ZNF429: variants seen among roughly 807,000 people sequenced by gnomAD.
The protein encoded by ZNF429 is zinc finger protein 429.
In ZNF429, 53 loss-of-function variants were observed where a neutral mutation model predicts 56.8. The observed-to-expected ratio is 0.93, with a 90% CI of 0.75 to 1.17. The LOEUF (loss-of-function observed/expected upper bound fraction) is 1.17. Among genes scored for constraint, ZNF429 ranks in the 50% most tolerant of loss-of-function variants. The pLI, the probability that ZNF429 is intolerant of heterozygous loss-of-function variation, is 0.00. For synonymous variants in ZNF429, 278 were observed against 264.7 expected, an observed-to-expected ratio of 1.05 and a Z score of -0.49; for missense variants, 849 against 788.4, an observed-to-expected ratio of 1.08 and a Z score of -0.92.
At chr19:21,531,139 A>C in intron 3 of ZNF429, among the ~76,000 whole-genome samples, 77 of 138,774 alleles carry the variant, frequency 5.5e-4, no homozygotes, top group African/African-American at 2.0e-3. Flanking sequence ...ACCAAAAAAA[A>C]AAAAACACCC....
At chr19:21,528,208 G>A (rs1205018015) in intron 1 of ZNF429, among the ~76,000 whole-genome samples, 1 of 152,024 alleles carries the variant, frequency 6.6e-6, no homozygotes, top group African/African-American at 2.4e-5. Flanking sequence ...GAAAGGTGGG[G>A]GTCCTCAGTA....
intron 1 of ZNF429, among the ~76,000 whole-genome samples, chr19:21,525,683 G>A (rs1344529352): frequency 6.6e-6 from 1 of 152,102 alleles, no homozygotes; most frequent in Non-Finnish European, 1.5e-5. Flanking sequence ...ATTCCATTTA[G>A]CAACTTGTTT....
rs997458672 is a variant in ZNF429, at chr19:21,538,942, T to A, written c.*864T>A. The stretch of plus-strand genomic sequence containing the variant: ...ATAGTGCATTTACTTGTATCACAGA[T>A]CTTGTTGTACACATTTTATACTAGA... On this transcript the variant is annotated 3_prime_UTR_variant, in exon 4 of 4. Coordinates refer to ENST00000358491, the MANE Select transcript of ZNF429 (RefSeq NM_001001415.4). 6.6e-6 allele frequency among the ~76,000 whole-genome samples: 1 copy of A among 152,164 alleles called. No individual in the cohort carries two copies. The highest frequency in any genetic ancestry group is 1.5e-5 in the Non-Finnish European group (1 of 68,030).
chr19:21,533,313 G>GTTTA, intron 3 of ZNF429, among the ~76,000 whole-genome samples: 1 of 151,898 alleles, frequency 6.6e-6, no homozygotes, highest in Non-Finnish European at 1.5e-5. Flanking sequence ...CAACTTTATT[G>GTTTA]TTTAGTTTCA....
Position 21,536,877 on chromosome 19 carries a change from A to G in ZNF429, c.824A>G (p.His275Arg), listed in dbSNP as rs2033704512. 1.9e-6 allele frequency: 3 copies of G among 1,613,916 alleles called. No individual in the cohort carries two copies. Among genetic ancestry groups the G allele is most frequent in the African/African-American group, 1.3e-5 (1 of 75,058 alleles). Residue 275 changes from histidine to arginine, a missense_variant, in exon 4 of 4, where the codon CAT becomes CGT. Physicochemically the swap from His to Arg is conservative, Grantham distance 29. Coordinates refer to ENST00000358491, the MANE Select transcript of ZNF429 (RefSeq NM_001001415.4). ...AGCAGGTACTCAACCCTTACTACCC[A>G]TAAGAGAATTCATTCTGGAGAGAAG... ...AFSRYSTLTT[H>R]KRIHSGEKPY...
chr19:21,535,735 C>T, intron 3 of ZNF429, among the ~76,000 whole-genome samples: 1 of 151,468 alleles, frequency 6.6e-6, no homozygotes. Context: ...AGGCTGGTTT[C>T]GAACTCCTGA....
rs1442120858 is a variant in ZNF429 at position 21,538,292 on chromosome 19, A to G, written c.*214A>G. On this transcript the variant is annotated 3_prime_UTR_variant, in exon 4 of 4. Coordinates refer to ENST00000358491, the MANE Select transcript of ZNF429 (RefSeq NM_001001415.4). ...GACTCCATCTCAAAAAAAAAAAAAA[A>G]AAAAAAAGAAAAGAAAATTCATAGG... Among the ~76,000 whole-genome samples the G allele has an allele frequency of 2.1e-5, 3 of 146,026 alleles. No individual in the cohort carries two copies. Among genetic ancestry groups the G allele is most frequent in the Non-Finnish European group, 4.5e-5 (3 of 66,588 alleles).
intron 1 of ZNF429, among the ~76,000 whole-genome samples, chr19:21,517,340 C>T (rs540855428): frequency 7.5e-6 from 1 of 134,170 alleles, no homozygotes; most frequent in Non-Finnish European, 1.6e-5. Flanking sequence ...TTCAATTTTA[C>T]AGTATTTCAT....
Position 21,537,777 on chromosome 19 carries a change from C to G in ZNF429, c.1724C>G (p.Thr575Ser). 6.2e-7 allele frequency: 1 copy of G among 1,602,718 alleles called. No individual in the cohort carries two copies. Among genetic ancestry groups the G allele is most frequent in the Non-Finnish European group, 8.5e-7 (1 of 1,176,652 alleles). Residue 575 changes from threonine to serine, a missense_variant, in exon 4 of 4, where the codon ACC becomes AGC. Coordinates refer to ENST00000358491, the MANE Select transcript of ZNF429 (RefSeq NM_001001415.4). ...TGTAAACAATGTGACAAAGCTTTTA[C>G]CCACTCCTCAAACCTTAGTAGTCAT... ...YKCKQCDKAF[T>S]HSSNLSSHKK...
chr19:21,535,718 G>T, intron 3 of ZNF429, among the ~76,000 whole-genome samples: 7 of 151,622 alleles, frequency 4.6e-5, no homozygotes, highest in Non-Finnish European at 1.0e-4. Context: ...GTTTCACCAT[G>T]TTGGCCAGGC....
rs531427318 is a variant in ZNF429 at position 21,538,277 on chromosome 19, C to CAAAAAAAAAA, written c.*212_*221dup. Among the ~76,000 whole-genome samples the CAAAAAAAAAA allele has an allele frequency of 2.9e-5, 1 of 34,380 alleles. No homozygotes were observed. Among genetic ancestry groups the CAAAAAAAAAA allele is most frequent in the Admixed American group, 5.5e-4 (1 of 1,832 alleles). 22.6% of individuals were successfully genotyped at this position (34,380 alleles called of 152,430 possible). The stretch of plus-strand genomic sequence containing the variant: ...TGGGTGACAGAGCCAGACTCCATCT[C>CAAAAAAAAAA]AAAAAAAAAAAAAAAAAAAAAAGAA... On this transcript the variant is annotated 3_prime_UTR_variant, in exon 4 of 4. Transcript: ENST00000358491.
chr19:21,512,662 CAAAAAAAAA>C (rs35584125), intron 1 of ZNF429, among the ~76,000 whole-genome samples: 3 of 81,376 alleles, frequency 3.7e-5, no homozygotes, highest in Non-Finnish European at 6.8e-5. Context: ...GACTCCATCT[CAAAAAAAAA>C]AAAAAAAAAA....
Position 21,537,064 on chromosome 19 carries a change from T to C in ZNF429, c.1011T>C (p.Gly337=), listed in dbSNP as rs1208354755. ...TLTSHKRIHT[G]EKPYKCEECG... Reference sequence around the variant, plus strand: ...CTAGCCATAAGAGAATACATACTGGTGAGAAACCCTACAAATGTGAAGAAT... The same window carrying C: ...CTAGCCATAAGAGAATACATACTGGCGAGAAACCCTACAAATGTGAAGAAT... Residue 337 remains glycine, a synonymous_variant, in exon 4 of 4, where the codon GGT becomes GGC. Coordinates refer to ENST00000358491, the MANE Select transcript of ZNF429 (RefSeq NM_001001415.4). 4 of 1,604,850 alleles carry C rather than the reference T, an allele frequency of 2.5e-6. No individual in the cohort carries two copies. The African/African-American group carries it at 4.2e-5, about 17-fold the overall frequency.
chr19:21,518,399 TGGTGGTGTG>T (rs371262003), intron 1 of ZNF429, among the ~76,000 whole-genome samples: 740 of 16,174 alleles, frequency 0.046, no homozygotes, highest in Middle Eastern at 0.091. Context: ...GGAGAGATTC[TGGTGGTGTG>T]TTGTATCACT....
chr19:21,526,172 C>T (rs1293196430), intron 1 of ZNF429, among the ~76,000 whole-genome samples: 1 of 151,792 alleles, frequency 6.6e-6, no homozygotes, highest in Non-Finnish European at 1.5e-5. Flanking sequence ...AGAGAGGTTT[C>T]TTCACTTTGA....
At chr19:21,535,412 T>TTTCTTTCTTTCTTTCTTTCTTTC in intron 3 of ZNF429, among the ~76,000 whole-genome samples, 1 of 55,386 alleles carries the variant, frequency 1.8e-5, no homozygotes, top group South Asian at 6.6e-4. Flanking sequence ...TTTCTTTTTC[T>TTTCTTTCTTTCTTTCTTTCTTTC]TTTCTTTCTT....
At chr19:21,529,909 A>G in intron 2 of ZNF429, 125 bp downstream of exon 2, 1 of 705,862 alleles carries the variant, frequency 1.4e-6, no homozygotes, top group Non-Finnish European at 2.1e-6. Flanking sequence ...TTTTAAGAAA[A>G]GTTTGGGGCC....
rs1278019185 is a variant in ZNF429 at position 21,540,559 on chromosome 19, AC to A, written c.*2482del. 6.6e-6 allele frequency among the ~76,000 whole-genome samples: 1 copy of A among 152,086 alleles called. No individual in the cohort carries two copies. The highest frequency in any genetic ancestry group is 2.4e-5 in the African/African-American group (1 of 41,444). The stretch of plus-strand genomic sequence containing the variant: ...TCTTTTACAAACAACTCAATTATGC[AC>A]TTTTAGTTATTTTAAAGTGTACAAT... On this transcript the variant is annotated 3_prime_UTR_variant, in exon 4 of 4. Coordinates refer to ENST00000358491, the MANE Select transcript of ZNF429 (RefSeq NM_001001415.4).
chr19:21,524,518 A>C (rs2033096729), intron 1 of ZNF429, among the ~76,000 whole-genome samples: 1 of 150,332 alleles, frequency 6.7e-6, no homozygotes, highest in Non-Finnish European at 1.5e-5. Context: ...ACAGAGCGAG[A>C]CTCCATCTCA....
Sources: allele counts gnomAD v4.1 joint callset (sites outside exome capture counted in the v4.1 genomes callset), GRCh38; gene constraint gnomAD v4.1.1; transcripts MANE v1.5; gene names NCBI Gene and HGNC (gene_info 2026-07-23, HGNC 2026-07-21).